MTCL1: variants seen among roughly 807,000 people sequenced by gnomAD.
MTCL1 encodes microtubule cross-linking factor 1.
A neutral mutation model predicts 141.4 loss-of-function variants in MTCL1; 79 were observed. The ratio of observed to expected loss-of-function variants is 0.56; its 90% CI spans 0.47 to 0.67. The LOEUF (loss-of-function observed/expected upper bound fraction) is 0.67, where lower values mean the gene tolerates loss of function less well. MTCL1 is among the 30% of genes least tolerant of loss of function. The pLI, the probability that MTCL1 is intolerant of heterozygous loss-of-function variation, is 0.00. For synonymous variants in MTCL1, 914 were observed against 875.8 expected (o/e 1.04, Z -0.77); for missense variants, 2,177 against 2,113.9 (o/e 1.03, Z -0.59).
chr18:8,747,278 G>T (rs142221028), intron 4 of MTCL1, among the ~76,000 whole-genome samples: 1 of 152,192 alleles, frequency 6.6e-6, no homozygotes, highest in Admixed American at 6.5e-5. Flanking sequence ...CCAAGATCAG[G>T]GTGCCTGCAG....
At chr18:8,798,668 C>G (rs2076010161) in intron 10 of MTCL1, among the ~76,000 whole-genome samples, 1 of 152,146 alleles carries the variant, frequency 6.6e-6, no homozygotes, top group South Asian at 2.1e-4. Context: ...AAAAATCCCC[C>G]AACATGGACA....
At chr18:8,797,957 G>A in intron 9 of MTCL1, 140 bp from the exon 9 acceptor site, 2 of 775,612 alleles carry the variant, frequency 2.6e-6, no homozygotes, top group Non-Finnish European at 1.9e-6. Flanking sequence ...TGGCCAAAAT[G>A]AGCATTTTAG....
At chr18:8,813,338 A>G in intron 12 of MTCL1, 105 bp downstream of exon 11, 1 of 1,323,818 alleles carries the variant, frequency 7.6e-7, no homozygotes, top group Non-Finnish European at 1.0e-6. Flanking sequence ...TTGCAGCATC[A>G]GGATGCATGG....
chr18:8,706,754 G>A, intron 1 of MTCL1, 41 bp downstream of exon 1: 9 of 1,539,856 alleles, frequency 5.8e-6, no homozygotes, highest in Non-Finnish European at 7.9e-6. Flanking sequence ...GGGCGCCCCC[G>A]GAGGGCCTGG....
At chr18:8,775,184 C>G (rs879609105) in intron 4 of MTCL1, among the ~76,000 whole-genome samples, 6 of 152,172 alleles carry the variant, frequency 3.9e-5, no homozygotes, top group Non-Finnish European at 8.8e-5. Flanking sequence ...GCCCTGATCG[C>G]TATTACAGCC....
chr18:8,805,587 A>T (rs2076272565), intron 10 of MTCL1, among the ~76,000 whole-genome samples: 1 of 152,168 alleles, frequency 6.6e-6, no homozygotes, highest in Non-Finnish European at 1.5e-5. Flanking sequence ...AGTGAAGGCC[A>T]GTGTGTGTGT....
In MTCL1 at chr18:8,796,466, A is replaced by T; in HGVS notation, c.2241+4A>T. On this transcript the variant is annotated splice_donor_region_variant and intron_variant, in intron 9 of 16. Coordinates refer to ENST00000359865, the Ensembl canonical transcript of MTCL1. ...GGAAGGAGAGGAGTTCACTGAGGTA[A>T]CTCCACTGTCGAATTCCTTTTATTT... The T allele has an allele frequency of 1.9e-6, 3 of 1,613,756 alleles. No homozygotes were observed. Among genetic ancestry groups the T allele is most frequent in the Non-Finnish European group, 2.5e-6 (3 of 1,179,854 alleles).
intron 4 of MTCL1, among the ~76,000 whole-genome samples, chr18:8,776,725 ATTTAT>A (rs1568011779): frequency 4.5e-4 from 1 of 2,198 alleles, no homozygotes; most frequent in African/African-American, 3.5e-3. Flanking sequence ...AACACTAGTT[ATTTAT>A]TTATTTATTT....
chr18:8,783,626 G>A (rs116313795), exon 6 of MTCL1: 76 of 1,613,552 alleles, frequency 4.7e-5, no homozygotes, highest in Non-Finnish European at 6.3e-5. Context: ...GGAGAAGGAC[G>A]AGCTGGAGCA....
intron 1 of MTCL1, among the ~76,000 whole-genome samples, chr18:8,710,142 G>A (rs1053244149): frequency 6.6e-6 from 1 of 152,096 alleles, no homozygotes; most frequent in Middle Eastern, 3.2e-3. Flanking sequence ...GCCCGGCCTG[G>A]CCTGTATTTT....
intron 4 of MTCL1, among the ~76,000 whole-genome samples, chr18:8,766,490 A>G (rs1254546618): frequency 6.6e-6 from 1 of 152,234 alleles, no homozygotes; most frequent in African/African-American, 2.4e-5. Flanking sequence ...GAAAGGCTGC[A>G]GTGAAAACAC....
intron 3 of MTCL1, among the ~76,000 whole-genome samples, chr18:8,719,545 C>T (rs983854379): frequency 6.6e-6 from 1 of 152,142 alleles, no homozygotes; most frequent in African/African-American, 2.4e-5. Context: ...CATTGAACAT[C>T]TTATGCATAG....
At chr18:8,756,043 G>T (rs1422468336) in intron 4 of MTCL1, among the ~76,000 whole-genome samples, 1 of 152,196 alleles carries the variant, frequency 6.6e-6, no homozygotes, top group Non-Finnish European at 1.5e-5. Flanking sequence ...AGGCTGAGGT[G>T]GGAGGATTTC....
intron 8 of MTCL1, 22 bp from the exon 8 acceptor site, chr18:8,796,210 T>C: frequency 6.2e-7 from 1 of 1,612,048 alleles, no homozygotes; most frequent in Non-Finnish European, 8.5e-7. Context: ...CTTGTCACAC[T>C]GTCTCTCTTA....
At chr18:8,777,732 C>T (rs2096516922) in intron 4 of MTCL1, 101 bp from the exon 4 acceptor site, 4 of 975,930 alleles carry the variant, frequency 4.1e-6, no homozygotes, top group South Asian at 1.6e-5. Context: ...GAAACAGCCT[C>T]CGTTCAGTGT....
At chr18:8,745,528 A>G (rs2096331851) in intron 4 of MTCL1, among the ~76,000 whole-genome samples, 1 of 152,050 alleles carries the variant, frequency 6.6e-6, no homozygotes, top group Non-Finnish European at 1.5e-5. Flanking sequence ...ACCACACATT[A>G]TTAGTCTCTT....
chr18:8,784,944 T>C, intron 6 of MTCL1, 101 bp downstream of exon 5: 1 of 1,120,426 alleles, frequency 8.9e-7, no homozygotes, highest in Non-Finnish European at 1.2e-6. Flanking sequence ...GCTGCTTGGT[T>C]ATGATTTCAA....
intron 12 of MTCL1, 101 bp downstream of exon 11, chr18:8,813,334 C>T: frequency 7.5e-7 from 1 of 1,338,836 alleles, no homozygotes; most frequent in Non-Finnish European, 1.0e-6. Context: ...GTCCTTGCAG[C>T]ATCAGGATGC....
At chr18:8,737,722 G>T (rs2096281431) in intron 4 of MTCL1, among the ~76,000 whole-genome samples, 1 of 152,168 alleles carries the variant, frequency 6.6e-6, no homozygotes, top group Non-Finnish European at 1.5e-5. Context: ...ATACCCATGG[G>T]GGGAAAGTAG....
Sources: gnomAD v4.1 joint callset for allele counts (sites outside exome capture counted in the v4.1 genomes callset) on GRCh38, gnomAD v4.1.1 for gene constraint, MANE v1.5 for transcripts, NCBI Gene and HGNC (gene_info 2026-07-23, HGNC 2026-07-21) for gene names.